The following RIPK4 variants were observed in gnomAD, a reference collection of about 807,000 sequenced individuals.
RIPK4 encodes receptor-interacting serine/threonine-protein kinase 4.
Under a neutral mutation model 42.9 loss-of-function variants are expected in RIPK4, and 17 were observed. The ratio of observed to expected loss-of-function variants is 0.40; its 90% CI spans 0.27 to 0.59. The LOEUF is 0.59. RIPK4 is among the 20% of genes least tolerant of loss of function. The pLI is 0.47. For missense variants in RIPK4, 897 were observed against 1,104.4 expected, an observed-to-expected ratio of 0.81 and a Z score of 2.66; for synonymous variants, 498 against 499.1, an observed-to-expected ratio of 1.00 and a Z score of 0.03.
chr21:41,757,347 C>T (rs559792307), intron 1 of RIPK4, among the ~76,000 whole-genome samples: 18 of 151,928 alleles, frequency 1.2e-4, no homozygotes, highest in African/African-American at 4.3e-4. Context: ...ATAGTGGAAC[C>T]CCCGTCTCTA....
In RIPK4 at chr21:41,744,155, AAG is replaced by A; in HGVS notation, c.937-17_937-16del. On this transcript the variant is annotated splice_polypyrimidine_tract_variant and intron_variant, in intron 6 of 7. Coordinates refer to ENST00000332512, the MANE Select transcript of RIPK4 (RefSeq NM_020639.3). ...GCAGGCACCACCTGCGAAGATGCAG[AAG>A]AGGGGGTGGGTGAAGACCCTGCCAT... The A allele has an allele frequency of 6.4e-7, 1 of 1,567,530 alleles. No homozygotes were observed. Among genetic ancestry groups the A allele is most frequent in the Non-Finnish European group, 8.7e-7 (1 of 1,155,222 alleles).
At position 41,755,385 on chromosome 21, in the gene RIPK4, C is replaced by T. The variant is rs2061200252; in HGVS notation, c.474+1140G>A. On this transcript the variant is annotated intron_variant, in intron 2 of 7. Coordinates refer to ENST00000332512, the MANE Select transcript of RIPK4 (RefSeq NM_020639.3). This position sits in a 1 kb window ranked among gnomAD's most constrained non-coding sequence, Gnocchi z 4.2. ...ATTGACCTCCTCACCACCGCCCTGG[C>T]TGAGCAAGGCACGCGAGATGCACTC... 6.6e-6 allele frequency among the ~76,000 whole-genome samples: 1 copy of T among 152,224 alleles called. No homozygotes were observed. Among genetic ancestry groups the T allele is most frequent in the Non-Finnish European group, 1.5e-5 (1 of 68,042 alleles).
rs752889175 is a variant in RIPK4, at chr21:41,755,444, C to T, written c.474+1081G>A. ...AGTCTGGGCACAGGGAGCGGCCGTGCGCATGCCATACGAGCCACCGCTCCC... is the reference window on the plus strand; with the variant it reads ...AGTCTGGGCACAGGGAGCGGCCGTGTGCATGCCATACGAGCCACCGCTCCC... On this transcript the variant is annotated intron_variant, in intron 2 of 7. Transcript: ENST00000332512. This position sits in a 1 kb window ranked among gnomAD's most constrained non-coding sequence, Gnocchi z 4.2. Among the ~76,000 whole-genome samples, 6 of 152,178 alleles carry T rather than the reference C, an allele frequency of 3.9e-5. No homozygotes were observed. The highest frequency in any genetic ancestry group is 2.0e-4 in the Admixed American group (3 of 15,280).
chr21:41,766,800 C>A (rs939647160), intron 1 of RIPK4, 60 bp downstream of exon 1: 435 of 1,533,058 alleles, frequency 2.8e-4, no homozygotes, highest in Non-Finnish European at 3.7e-4. Flanking sequence ...GACCAGAGCA[C>A]CCCGACCCCG....
rs2061186843 is a variant in RIPK4, at chr21:41,751,048, T to C, written c.623+49A>G. 2.5e-6 allele frequency: 4 copies of C among 1,588,020 alleles called. No homozygotes were observed. Among genetic ancestry groups the C allele is most frequent in the East Asian group, 2.3e-5 (1 of 44,410 alleles). ...CAGCTCAGGGCATGAAGCATTGAGG[T>C]TGAGAGCCCCTGGCACCCACAGGGG... On this transcript the variant is annotated intron_variant, in intron 3 of 7. Coordinates refer to ENST00000332512, the MANE Select transcript of RIPK4 (RefSeq NM_020639.3). The surrounding 1 kb of genome is among the most constrained non-coding windows in gnomAD (Gnocchi z 4.5).
chr21:41,745,640 G>A (rs2146048015), intron 6 of RIPK4, 119 bp downstream of exon 6: 4 of 720,942 alleles, frequency 5.5e-6, no homozygotes, highest in South Asian at 5.2e-5. Context: ...GGTGCGGGAT[G>A]GGCTCAGAAG....
At chr21:41,753,750 A>G (rs536100640) in intron 2 of RIPK4, among the ~76,000 whole-genome samples, 1 of 152,284 alleles carries the variant, frequency 6.6e-6, no homozygotes, top group South Asian at 2.1e-4. Flanking sequence ...AAGACTAAGA[A>G]AGCAGCCTGC....
chr21:41,756,479 C>A, intron 2 of RIPK4, 46 bp downstream of exon 2: 1 of 1,583,992 alleles, frequency 6.3e-7, no homozygotes. Flanking sequence ...CCCCAAGACA[C>A]AGGCCCTCCC....
At position 41,745,780 on chromosome 21, in the gene RIPK4, G is replaced by C. The variant is rs140139203; in HGVS notation, c.915C>G (p.Ser305Arg). The C allele has an allele frequency of 1.5e-4, 247 of 1,614,076 alleles. No homozygotes were observed. Among genetic ancestry groups the C allele is most frequent in the Middle Eastern group, 9.9e-4 (6 of 6,062 alleles). Residue 305 changes from serine to arginine, a missense_variant, in exon 6 of 8, where the codon AGC becomes AGG. Ser to Arg is a moderately radical substitution (Grantham distance 110). Coordinates refer to ENST00000332512, the MANE Select transcript of RIPK4 (RefSeq NM_020639.3). ...KETAHDLDVK[S>R]PPEPRSEVVP... Reference sequence around the variant, plus strand: ...TTACCTCGCTCCTGGGCTCCGGGGGGCTTTTCACGTCCAGATCATGAGCAG... The same window carrying C: ...TTACCTCGCTCCTGGGCTCCGGGGGCCTTTTCACGTCCAGATCATGAGCAG...
chr21:41,760,894 G>A (rs771884692), intron 1 of RIPK4, among the ~76,000 whole-genome samples: 6 of 152,312 alleles, frequency 3.9e-5, no homozygotes, highest in Middle Eastern at 6.8e-3. Flanking sequence ...AGGGGAGCAC[G>A]GCCTGCTTTC....
chr21:41,741,468 G>A lies in RIPK4; in HGVS notation c.1725C>T (p.His575=), dbSNP rs2061153635. The change falls in exon 8 of 8, where the codon CAC becomes CAT. Residue 575 remains histidine (H), a synonymous_variant. Transcript: ENST00000332512. ...LQGKDAWLPL[H]YAAWQGHLPI... ...GCAGGTGGCCCTGCCAGGCAGCGTA[G>A]TGCAGTGGCAGCCAGGCATCCTTGC... is the stretch of plus-strand genomic sequence containing the variant. 5.0e-6 allele frequency: 8 copies of A among 1,612,862 alleles called. No individual in the cohort carries two copies. Among genetic ancestry groups the A allele is most frequent in the Non-Finnish European group, 6.8e-6 (8 of 1,179,960 alleles).
rs773158162 is a variant in RIPK4, at chr21:41,741,425, C to T, written c.1768G>A (p.Ala590Thr). 1 of 1,612,842 alleles carries T rather than the reference C, an allele frequency of 6.2e-7. No homozygotes were observed. Residue 590 changes from alanine (A) to threonine (T), a missense_variant, in exon 8 of 8, where the codon GCC becomes ACC. By Grantham distance (58) the Ala-to-Thr change is moderately conservative. Coordinates refer to ENST00000332512, the MANE Select transcript of RIPK4 (RefSeq NM_020639.3). ...TTCACACTCACCCCCGGCTGCTTGG[C>T]CAGCAGCTTGACGATGGGCAGGTGG... The part of the protein sequence containing the change: ...QGHLPIVKLL[A>T]KQPGVSVNAQ...
rs2061154699 is a variant in RIPK4 at position 41,741,660 on chromosome 21, T to C, written c.1533A>G (p.Ala511=). 1 of 1,613,634 alleles carries C rather than the reference T, an allele frequency of 6.2e-7. No individual in the cohort carries two copies. Among genetic ancestry groups the C allele is most frequent in the Non-Finnish European group, 8.5e-7 (1 of 1,180,006 alleles). Residue 511 remains alanine (A), a synonymous_variant, in exon 8 of 8, where the codon GCA becomes GCG. Transcript: ENST00000332512. ...TGCTAGACTCGTCCCCGTTCTGGGCTGCAAAGTGGAGGGCTGTCCACTGGT... is the reference window on the plus strand; with the variant it reads ...TGCTAGACTCGTCCCCGTTCTGGGCCGCAAAGTGGAGGGCTGTCCACTGGT... ...DEDQWTALHF[A]AQNGDESSTR...
intron 1 of RIPK4, among the ~76,000 whole-genome samples, chr21:41,764,040 C>G (rs1219019048): frequency 1.3e-5 from 2 of 152,158 alleles, no homozygotes; most frequent in Non-Finnish European, 1.5e-5. Context: ...CTCCGAGGCA[C>G]CGAGCCCCAT....
chr21:41,755,006 G>T lies in RIPK4; in HGVS notation c.474+1519C>A, dbSNP rs1366330124. Among the ~76,000 whole-genome samples the T allele has an allele frequency of 6.6e-6, 1 of 152,226 alleles. No individual in the cohort carries two copies. Among genetic ancestry groups the T allele is most frequent in the East Asian group, 1.9e-4 (1 of 5,198 alleles). On this transcript the variant is annotated intron_variant, in intron 2 of 7. Coordinates refer to ENST00000332512, the MANE Select transcript of RIPK4 (RefSeq NM_020639.3). This position sits in a 1 kb window ranked among gnomAD's most constrained non-coding sequence, Gnocchi z 4.2. ...GCAGCTCCCGCAGGTGAAGCCTCTAGCATGTCCTTTCCGGTATTCAGTGCA... is the reference window on the plus strand; with the variant it reads ...GCAGCTCCCGCAGGTGAAGCCTCTATCATGTCCTTTCCGGTATTCAGTGCA...
chr21:41,748,307 G>A (rs150954834), intron 4 of RIPK4, among the ~76,000 whole-genome samples: 1 of 152,356 alleles, frequency 6.6e-6, no homozygotes, highest in Non-Finnish European at 1.5e-5. Context: ...GCTAGGCCTT[G>A]ACTCTCATCT....
chr21:41,764,439 G>A (rs928475684), intron 1 of RIPK4, among the ~76,000 whole-genome samples: 3 of 152,166 alleles, frequency 2.0e-5, no homozygotes, highest in African/African-American at 7.2e-5. Flanking sequence ...CCAGACCCGT[G>A]TGTCAGGGGT....
chr21:41,752,175 T>C (rs2061190534), intron 2 of RIPK4, among the ~76,000 whole-genome samples: 1 of 152,218 alleles, frequency 6.6e-6, no homozygotes, highest in Non-Finnish European at 1.5e-5. Flanking sequence ...AATGGGACTC[T>C]TGATCCAGGG....
At chr21:41,754,416 G>A (rs1416894016) in intron 2 of RIPK4, among the ~76,000 whole-genome samples, 3 of 152,268 alleles carry the variant, frequency 2.0e-5, no homozygotes, top group Middle Eastern at 3.4e-3. Context: ...TCTTTCCTGC[G>A]GCCTGTCAGG....
Sources: gnomAD v4.1 joint callset for allele counts (sites outside exome capture counted in the v4.1 genomes callset) on GRCh38, gnomAD v4.1.1 for gene constraint, Gnocchi (gnomAD v3.1) non-coding constraint, MANE v1.5 for transcripts, NCBI Gene and HGNC (gene_info 2026-07-23, HGNC 2026-07-21) for gene names.